The following MDH1B variants were observed in gnomAD, a reference collection of about 807,000 sequenced individuals.
MDH1B encodes malate dehydrogenase 1B.
Under a neutral mutation model 61.4 loss-of-function variants are expected in MDH1B, and 60 were observed. The ratio of observed to expected loss-of-function variants is 0.98; its 90% CI spans 0.79 to 1.21. The LOEUF is 1.21. Among genes scored for constraint, MDH1B ranks in the 50% most tolerant of loss-of-function variants. The pLI is 0.00. For synonymous variants in MDH1B, 236 were observed against 218.7 expected, an observed-to-expected ratio of 1.08 and a Z score of -0.70; for missense variants, 587 against 632.1, an observed-to-expected ratio of 0.93 and a Z score of 0.76.
chr2:206,746,398 G>T lies in MDH1B; in HGVS notation c.1245C>A (p.Val415=). Residue 415 remains valine (V), a synonymous_variant, in exon 8 of 12, where the codon GTC becomes GTA. Transcript: ENST00000374412. ...TCTCAAATTTCACAGGCATAGAAAA[G>T]ACGATCCCTTTCGGAATACCAAACT... ...EGQFGIPKGI[V]FSMPVKFENG... 1 of 1,613,614 alleles carries T rather than the reference G, an allele frequency of 6.2e-7. No individual in the cohort carries two copies. The highest frequency in any genetic ancestry group is 8.5e-7 in the Non-Finnish European group (1 of 1,179,858).
At chr2:206,753,060 G>A (rs1271108121) in intron 5 of MDH1B, among the ~76,000 whole-genome samples, 14 of 152,132 alleles carry the variant, frequency 9.2e-5, no homozygotes, top group East Asian at 1.9e-4. Context: ...CCTGGGGTAC[G>A]TAAACTACAA....
chr2:206,748,546 CT>C (rs1688256154), intron 7 of MDH1B, among the ~76,000 whole-genome samples: 1 of 152,214 alleles, frequency 6.6e-6, no homozygotes, highest in Non-Finnish European at 1.5e-5. Flanking sequence ...TCTCTCTATC[CT>C]GCCTTTGTGT....
chr2:206,743,833 C>A (rs1325730502), intron 9 of MDH1B, among the ~76,000 whole-genome samples: 1 of 152,126 alleles, frequency 6.6e-6, no homozygotes, highest in African/African-American at 2.4e-5. Flanking sequence ...GCCAGAAGAA[C>A]CCTGGGATTC....
At chr2:206,755,706 C>T (rs1398442888) in intron 4 of MDH1B, among the ~76,000 whole-genome samples, 3 of 152,090 alleles carry the variant, frequency 2.0e-5, no homozygotes, top group Non-Finnish European at 4.4e-5. Flanking sequence ...TTGCTCTGGC[C>T]ATCTGAAATC....
chr2:206,751,475 T>G (rs1427056656), intron 5 of MDH1B, among the ~76,000 whole-genome samples: 1 of 152,178 alleles, frequency 6.6e-6, no homozygotes, highest in Non-Finnish European at 1.5e-5. Flanking sequence ...GCTTTGGTTT[T>G]TCACAAGGAG....
At position 206,755,054 on chromosome 2, in the gene MDH1B, C is replaced by T. The variant is rs376039797; in HGVS notation, c.865G>A (p.Glu289Lys). Reference sequence around the variant, plus strand: ...TTTCTGGCCAGTATGGCTTTCGCTTCACCTTCCACCCCCAGCGCCACAGCA... The same window carrying T: ...TTTCTGGCCAGTATGGCTTTCGCTTTACCTTCCACCCCCAGCGCCACAGCA... ...IIAVALGVEGEAKAILARKLK... is the reference protein window; with the variant it reads ...IIAVALGVEGKAKAILARKLK... Residue 289 changes from glutamate to lysine, a missense_variant, in exon 5 of 12, where the codon GAA becomes AAA. Transcript: ENST00000374412. 129 of 1,613,998 alleles carry T rather than the reference C, an allele frequency of 8.0e-5. No homozygotes were observed. The highest frequency in any genetic ancestry group is 1.0e-4 in the Non-Finnish European group (122 of 1,179,968).
intron 9 of MDH1B, among the ~76,000 whole-genome samples, chr2:206,743,713 C>T (rs1687938070): frequency 6.6e-6 from 1 of 152,110 alleles, no homozygotes; most frequent in African/African-American, 2.4e-5. Flanking sequence ...CTCTTCCATC[C>T]ACAGGCGTGC....
At chr2:206,754,818 C>G (rs888486882) in intron 5 of MDH1B, among the ~76,000 whole-genome samples, 191 bp downstream of exon 5, 7 of 151,878 alleles carry the variant, frequency 4.6e-5, no homozygotes, top group Non-Finnish European at 1.0e-4. Flanking sequence ...ATGGAAAAAG[C>G]CAGACACAAA....
rs572272472 is a variant in MDH1B at position 206,742,263 on chromosome 2, T to C, written c.1409-1159A>G. On this transcript the variant is annotated intron_variant, in intron 9 of 11. Transcript: ENST00000374412. Reference sequence around the variant, plus strand: ...TGGTTGAACTGCAACGAAAAGTGTATGCACAGCCTTGCCAGGTGTCTCCTG... The same window carrying C: ...TGGTTGAACTGCAACGAAAAGTGTACGCACAGCCTTGCCAGGTGTCTCCTG... Among the ~76,000 whole-genome samples, 89 of 152,322 alleles carry C rather than the reference T, an allele frequency of 5.8e-4. No homozygotes were observed. The Middle Eastern group carries it at 0.01, about 17-fold the overall frequency.
chr2:206,755,258 C>T lies in MDH1B; in HGVS notation c.661G>A (p.Glu221Lys), dbSNP rs777811244. ...IVVLDDSTNK[E>K]VFTLEDCLRS... ...AGGCAGTCCTCCAGAGTGAACACCTCCTTGTTGGTGCTGTCATCCAGCACC... is the reference window on the plus strand; with the variant it reads ...AGGCAGTCCTCCAGAGTGAACACCTTCTTGTTGGTGCTGTCATCCAGCACC... Residue 221 changes from glutamate (E) to lysine (K), a missense_variant, in exon 5 of 12, where the codon GAG (glutamate) becomes AAG (lysine). By Grantham distance (56) the Glu-to-Lys change is moderately conservative (BLOSUM62 1). Coordinates refer to ENST00000374412, the MANE Select transcript of MDH1B (RefSeq NM_001039845.3). 1 of 1,614,090 alleles carries T rather than the reference C, an allele frequency of 6.2e-7. No individual in the cohort carries two copies. Among genetic ancestry groups the T allele is most frequent in the East Asian group, 2.2e-5 (1 of 44,896 alleles).
intron 2 of MDH1B, among the ~76,000 whole-genome samples, chr2:206,757,877 C>A (rs1688854547): frequency 1.3e-5 from 2 of 152,216 alleles, no homozygotes; most frequent in East Asian, 3.9e-4. Flanking sequence ...TTTAAATTAT[C>A]ATTATCTGAT....
At chr2:206,739,412 T>TA (rs56210267) in intron 11 of MDH1B, among the ~76,000 whole-genome samples, 181 bp downstream of exon 11, 42 of 146,050 alleles carry the variant, frequency 2.9e-4, no homozygotes, top group Non-Finnish European at 3.6e-4. Context: ...GACCTTGTCT[T>TA]AAAAAAAAAA....
intron 11 of MDH1B, among the ~76,000 whole-genome samples, chr2:206,739,141 C>T (rs1366393698): frequency 6.6e-6 from 1 of 152,124 alleles, no homozygotes; most frequent in African/African-American, 2.4e-5. Flanking sequence ...GCAGGCCAGG[C>T]ACGGTGGCTC....
Position 206,755,193 on chromosome 2 carries a change from C to G in MDH1B, c.726G>C (p.Leu242=). 1 of 1,614,176 alleles carries G rather than the reference C, an allele frequency of 6.2e-7. No homozygotes were observed. Among genetic ancestry groups the G allele is most frequent in the Non-Finnish European group, 8.5e-7 (1 of 1,180,008 alleles). The part of the protein sequence containing the change: ...RVPLCRLYGY[L]IEKNAHESVR... Reference sequence around the variant, plus strand: ...CAGACTCATGAGCATTTTTCTCTATCAGGTACCCATAGAGCCTGCAGAGAG... The same window carrying G: ...CAGACTCATGAGCATTTTTCTCTATGAGGTACCCATAGAGCCTGCAGAGAG... Residue 242 remains leucine, a synonymous_variant, in exon 5 of 12, where the codon CTG becomes CTC. Transcript: ENST00000374412.
At chr2:206,757,107 A>C (rs1688808742) in intron 3 of MDH1B, 67 bp from the exon 4 acceptor site, 2 of 1,558,940 alleles carry the variant, frequency 1.3e-6, no homozygotes, top group African/African-American at 2.7e-5. Context: ...GCTATAATGG[A>C]AAGTTTTTGT....
intron 7 of MDH1B, among the ~76,000 whole-genome samples, chr2:206,748,087 A>T (rs998191312): frequency 2.6e-5 from 4 of 152,194 alleles, no homozygotes; most frequent in Non-Finnish European, 2.9e-5. Flanking sequence ...TTTTGTAAAA[A>T]TGGTAGAAGT....
At chr2:206,747,706 A>C (rs1015982729) in intron 7 of MDH1B, among the ~76,000 whole-genome samples, 8 of 152,178 alleles carry the variant, frequency 5.3e-5, no homozygotes, top group African/African-American at 1.9e-4. Context: ...TAGGCGAACA[A>C]AATGCTATGT....
rs144049751 is a variant in MDH1B, at chr2:206,757,250, A to G, written c.257T>C (p.Leu86Pro). The change falls in exon 3 of 12, where the codon CTG becomes CCG. Residue 86 changes from leucine (L) to proline (P), a missense_variant. By Grantham distance (98) the Leu-to-Pro change is moderately conservative (BLOSUM62 -3). Coordinates refer to ENST00000374412, the MANE Select transcript of MDH1B (RefSeq NM_001039845.3). ...GLLLGGYNEF[L>P]EHAQLYYDVT... The stretch of plus-strand genomic sequence containing the variant: ...TAACTTATATACCTGAGCATGCTCC[A>G]GGAACTCATTATATCCTCCCAAAAG... The G allele has an allele frequency of 6.3e-4, 1,022 of 1,613,794 alleles. 4 individuals are homozygous for G. The African/African-American group carries it at 8.4e-3, about 13-fold the overall frequency.
intron 9 of MDH1B, among the ~76,000 whole-genome samples, chr2:206,742,812 C>T (rs557752736): frequency 1.8e-4 from 27 of 150,540 alleles, no homozygotes; most frequent in African/African-American, 6.1e-4. Flanking sequence ...CCTGGGTTCA[C>T]GTCATTCTCC....
Sources: allele counts gnomAD v4.1 joint callset (sites outside exome capture counted in the v4.1 genomes callset), GRCh38; gene constraint gnomAD v4.1.1; transcripts MANE v1.5; gene names NCBI Gene and HGNC (gene_info 2026-07-23, HGNC 2026-07-21).